The following AQP9 variants were observed in gnomAD, a reference collection of about 807,000 sequenced individuals.
AQP9 encodes the protein aquaporin 9.
A neutral mutation model predicts 23.8 loss-of-function variants in AQP9; 19 were observed. That is an observed-to-expected ratio of 0.80 (90% CI 0.56 to 1.17). AQP9 has a LOEUF of 1.17. Among genes scored for constraint, AQP9 ranks in the 50% most tolerant of loss-of-function variants. AQP9 has a pLI of 0.00. For missense variants in AQP9, 413 were observed against 362.0 expected, an observed-to-expected ratio of 1.14 and a Z score of -1.14; for synonymous variants, 153 against 131.5, an observed-to-expected ratio of 1.16 and a Z score of -1.12.
At chr15:58,143,821 A>G (rs1286783332) in intron 1 of AQP9, among the ~76,000 whole-genome samples, 1 of 152,132 alleles carries the variant, frequency 6.6e-6, no homozygotes, top group African/African-American at 2.4e-5. Flanking sequence ...GTCTCCTTGT[A>G]CACATGTTCA....
At chr15:58,169,560 A>T (rs1898577078) in intron 2 of AQP9, among the ~76,000 whole-genome samples, 1 of 152,240 alleles carries the variant, frequency 6.6e-6, no homozygotes, top group Non-Finnish European at 1.5e-5. Context: ...TTGTGGGCAC[A>T]TACTGGCTTG....
intron 1 of AQP9, among the ~76,000 whole-genome samples, chr15:58,142,798 C>T (rs886816352): frequency 1.3e-5 from 2 of 152,126 alleles, no homozygotes; most frequent in Admixed American, 1.3e-4. Flanking sequence ...TTCTAGCTTG[C>T]TATTTTACAA....
intron 3 of AQP9, among the ~76,000 whole-genome samples, chr15:58,174,498 C>G (rs1302848110): frequency 6.6e-6 from 1 of 152,124 alleles, no homozygotes; most frequent in Non-Finnish European, 1.5e-5. Context: ...CTAAGGGCAT[C>G]TTCAGTATAC....
intron 4 of AQP9, among the ~76,000 whole-genome samples, chr15:58,177,238 A>G (rs1898778562): frequency 6.6e-6 from 1 of 152,212 alleles, no homozygotes; most frequent in African/African-American, 2.4e-5. Flanking sequence ...TTAATAATCA[A>G]TCATTTATTT....
In AQP9 at chr15:58,148,081, G is replaced by A. The variant is rs112305075; in HGVS notation, c.111+9405G>A. On this transcript the variant is annotated intron_variant, in intron 1 of 5. Coordinates refer to ENST00000219919, the MANE Select transcript of AQP9 (RefSeq NM_020980.5). ...TTTAAAAACTTGTACATATTCATAT[G>A]TATTTTCTTCACCCCCTTCCTCCCC... Among the ~76,000 whole-genome samples the A allele has an allele frequency of 9.9e-5, 15 of 152,242 alleles. 1 individual carries two copies. The highest frequency in any genetic ancestry group is 3.6e-4 in the African/African-American group (15 of 41,540).
At chr15:58,169,539 A>T (rs17821086) in intron 2 of AQP9, among the ~76,000 whole-genome samples, 18,573 of 152,210 alleles carry the variant, frequency 0.12, 1,398 homozygotes, top group Non-Finnish European at 0.17. Flanking sequence ...GGCTGCAGCT[A>T]ACATACTGGT....
chr15:58,147,855 G>T (rs1175983416), intron 1 of AQP9, among the ~76,000 whole-genome samples: 1 of 151,810 alleles, frequency 6.6e-6, no homozygotes, highest in African/African-American at 2.4e-5. Context: ...GGCAGAAATG[G>T]TATGTGTTAA....
intron 1 of AQP9, among the ~76,000 whole-genome samples, chr15:58,144,981 T>C (rs2140585166): frequency 7.2e-6 from 1 of 139,760 alleles, no homozygotes; most frequent in African/African-American, 2.7e-5. Flanking sequence ...GCCACTGCAC[T>C]CTGGCCTGGG....
Position 58,138,564 on chromosome 15 carries a change from A to C in AQP9, c.-2A>C. On this transcript the variant is annotated 5_prime_UTR_variant, in exon 1 of 6. Transcript: ENST00000219919. The stretch of plus-strand genomic sequence containing the variant: ...AACAGGAGTCCTCAGAGAAGCCCCA[A>C]GATGCAGCCTGAGGGAGCAGAAAAG... 1.2e-6 allele frequency: 2 copies of C among 1,613,422 alleles called. No homozygotes were observed. The highest frequency in any genetic ancestry group is 8.5e-7 in the Non-Finnish European group (1 of 1,179,544).
intron 2 of AQP9, among the ~76,000 whole-genome samples, chr15:58,169,615 C>A (rs12905045): frequency 0.19 from 28,868 of 152,136 alleles, 2,856 homozygotes; most frequent in East Asian, 0.25. Context: ...TTATACTGAG[C>A]ATAAATGTGA....
At chr15:58,142,049 G>A (rs1207117549) in intron 1 of AQP9, among the ~76,000 whole-genome samples, 1 of 152,178 alleles carries the variant, frequency 6.6e-6, no homozygotes, top group African/African-American at 2.4e-5. Flanking sequence ...TTTTATTGGT[G>A]GAGAAGCTGA....
At chr15:58,139,436 G>T (rs763997316) in intron 1 of AQP9, among the ~76,000 whole-genome samples, 1 of 152,156 alleles carries the variant, frequency 6.6e-6, no homozygotes, top group African/African-American at 2.4e-5. Context: ...TTTGCTGCAC[G>T]TTCTAGCATT....
In AQP9 at chr15:58,179,195, C is replaced by T. The variant is rs1566991149; in HGVS notation, c.563C>T (p.Pro188Leu). 1.2e-6 allele frequency: 2 copies of T among 1,613,946 alleles called. No individual in the cohort carries two copies. The highest frequency in any genetic ancestry group is 1.7e-5 in the Admixed American group (1 of 59,992). The change falls in exon 5 of 6, where the codon CCC becomes CTC. Residue 188 changes from proline (P) to leucine (L), a missense_variant. By Grantham distance (98) the Pro-to-Leu change is moderately conservative. Coordinates refer to ENST00000219919, the MANE Select transcript of AQP9 (RefSeq NM_020980.5). ...TTTGACTCCAGAAACTTGGGAGCCC[C>T]CAGAGGCCTAGAGCCCATTGCCATC... Reference protein sequence around the residue: ...AIFDSRNLGAPRGLEPIAIGL... With the variant: ...AIFDSRNLGALRGLEPIAIGL...
chr15:58,144,208 T>C (rs1450964729), intron 1 of AQP9, among the ~76,000 whole-genome samples: 1 of 151,708 alleles, frequency 6.6e-6, no homozygotes, highest in African/African-American at 2.4e-5. Context: ...ATATTTATTT[T>C]AAATCCATAC....
At chr15:58,160,362 T>C (rs1248303192) in intron 1 of AQP9, among the ~76,000 whole-genome samples, 6 of 152,168 alleles carry the variant, frequency 3.9e-5, no homozygotes, top group Non-Finnish European at 8.8e-5. Flanking sequence ...TGTTTGTTTG[T>C]TTGCTATTGA....
chr15:58,164,438 G>A (rs1245299799), intron 1 of AQP9, among the ~76,000 whole-genome samples: 1 of 152,158 alleles, frequency 6.6e-6, no homozygotes, highest in Admixed American at 6.5e-5. Context: ...AGTTCACCTG[G>A]AAGTTGTGCC....
intron 1 of AQP9, among the ~76,000 whole-genome samples, chr15:58,148,018 A>G (rs1898080393): frequency 6.6e-6 from 1 of 152,190 alleles, no homozygotes; most frequent in Admixed American, 6.5e-5. Flanking sequence ...GTTGGAAGGA[A>G]ACACATTTCT....
intron 3 of AQP9, among the ~76,000 whole-genome samples, chr15:58,173,449 C>G (rs558977247): frequency 1.9e-4 from 29 of 152,262 alleles, no homozygotes; most frequent in African/African-American, 5.3e-4. Flanking sequence ...TTGTGCCAAG[C>G]CAGCACTGCA....
At chr15:58,142,290 TATC>T (rs1897965098) in intron 1 of AQP9, among the ~76,000 whole-genome samples, 2 of 152,178 alleles carry the variant, frequency 1.3e-5, no homozygotes, top group Admixed American at 6.5e-5. Flanking sequence ...TTAAGAGACT[TATC>T]AGCCCTTGAA....
Sources: gnomAD v4.1 joint callset for allele counts (sites outside exome capture counted in the v4.1 genomes callset) on GRCh38, gnomAD v4.1.1 for gene constraint, MANE v1.5 for transcripts, NCBI Gene and HGNC (gene_info 2026-07-23, HGNC 2026-07-21) for gene names.